The following TMEM26 variants were observed in gnomAD, a reference collection of about 807,000 sequenced individuals.
The protein encoded by TMEM26 is transmembrane protein 26.
In TMEM26, 38 loss-of-function variants were observed where a neutral mutation model predicts 28.8. That is an observed-to-expected ratio of 1.32 (90% CI 1.02 to 1.73). The LOEUF is 1.73. Among genes scored for constraint, TMEM26 ranks in the 40% most tolerant of loss-of-function variants. The pLI is 0.00. For synonymous variants in TMEM26, 227 were observed against 182.9 expected, an observed-to-expected ratio of 1.24 and a Z score of -1.95; for missense variants, 518 against 447.1, an observed-to-expected ratio of 1.16 and a Z score of -1.43.
chr10:61,422,003 C>T (rs1254955929), intron 4 of TMEM26, among the ~76,000 whole-genome samples: 1 of 151,940 alleles, frequency 6.6e-6, no homozygotes, highest in Admixed American at 6.6e-5. Context: ...CATAAGAAAG[C>T]TGGAGTGCCT....
At chr10:61,446,386 T>C (rs1300981013) in intron 1 of TMEM26, among the ~76,000 whole-genome samples, 1 of 152,154 alleles carries the variant, frequency 6.6e-6, no homozygotes, top group African/African-American at 2.4e-5. Flanking sequence ...TACAGGAAGA[T>C]AACAAATACA....
chr10:61,423,134 C>A (rs573485640), intron 4 of TMEM26, among the ~76,000 whole-genome samples: 1 of 151,928 alleles, frequency 6.6e-6, no homozygotes, highest in Admixed American at 6.6e-5. Context: ...AAAATGTAAT[C>A]AAAACTGATT....
chr10:61,422,838 G>A (rs1427031730), intron 4 of TMEM26, among the ~76,000 whole-genome samples: 3 of 152,048 alleles, frequency 2.0e-5, no homozygotes, highest in African/African-American at 7.2e-5. Context: ...AAACCAGTGA[G>A]GTGGAAAACA....
At chr10:61,428,848 T>A (rs1839873364) in intron 4 of TMEM26, 78 bp downstream of exon 4, 2 of 1,254,524 alleles carry the variant, frequency 1.6e-6, no homozygotes, top group Non-Finnish European at 2.3e-6. Flanking sequence ...TCATGTGAAA[T>A]ACAAGTCACA....
At chr10:61,433,218 G>T (rs1589037331) in intron 2 of TMEM26, among the ~76,000 whole-genome samples, 1 of 152,070 alleles carries the variant, frequency 6.6e-6, no homozygotes, top group African/African-American at 2.4e-5. Context: ...TATCTGAGTT[G>T]CTCTCCGCTC....
At chr10:61,414,054 T>C in intron 4 of TMEM26, 1 of 987,008 alleles carries the variant, frequency 1.0e-6, no homozygotes, top group Non-Finnish European at 1.2e-6. Context: ...CAAAGATTTA[T>C]ACCAGATAGT....
At chr10:61,413,562 T>C in intron 4 of TMEM26, 27 bp from the exon 5 acceptor site, 3 of 1,578,834 alleles carry the variant, frequency 1.9e-6, no homozygotes, top group East Asian at 2.3e-5. Flanking sequence ...ATGTTAAATT[T>C]GTAATAAAAA....
chr10:61,422,514 C>T (rs573350742), intron 4 of TMEM26, among the ~76,000 whole-genome samples: 17 of 151,986 alleles, frequency 1.1e-4, no homozygotes, highest in Non-Finnish European at 2.5e-4. Flanking sequence ...CTAAAAGATC[C>T]CTATATATTC....
At chr10:61,432,023 C>T (rs1449186131) in intron 2 of TMEM26, among the ~76,000 whole-genome samples, 2 of 152,002 alleles carry the variant, frequency 1.3e-5, no homozygotes, top group Non-Finnish European at 2.9e-5. Context: ...AGAATACTGG[C>T]CTCCAGCTTC....
chr10:61,429,199 G>T, intron 3 of TMEM26, 53 bp from the exon 4 acceptor site: 3 of 1,467,170 alleles, frequency 2.0e-6, no homozygotes, highest in Non-Finnish European at 2.8e-6. Context: ...ACCTGAGAGA[G>T]AAATATTTTC....
At chr10:61,422,660 G>T (rs764482031) in intron 4 of TMEM26, among the ~76,000 whole-genome samples, 4 of 152,002 alleles carry the variant, frequency 2.6e-5, no homozygotes, top group Non-Finnish European at 5.9e-5. Context: ...AGTGCTTACA[G>T]GAAAATTCAC....
At chr10:61,419,781 G>T (rs770455750) in intron 4 of TMEM26, among the ~76,000 whole-genome samples, 19 of 151,974 alleles carry the variant, frequency 1.3e-4, no homozygotes, top group Non-Finnish European at 1.0e-4. Flanking sequence ...AGAAATAATG[G>T]ATGAAAATTT....
At chr10:61,413,642 C>A (rs1011774893) in intron 4 of TMEM26, 107 bp from the exon 5 acceptor site, 8 of 1,328,964 alleles carry the variant, frequency 6.0e-6, no homozygotes, top group South Asian at 4.6e-5. Flanking sequence ...CTCTTGTGGC[C>A]AAAATATCTT....
At chr10:61,440,363 A>G (rs1026636600) in intron 1 of TMEM26, among the ~76,000 whole-genome samples, 2 of 152,184 alleles carry the variant, frequency 1.3e-5, no homozygotes, top group African/African-American at 4.8e-5. Context: ...ATGTTGAGGC[A>G]ATTACTGTCA....
At chr10:61,414,893 C>T (rs1839625907) in intron 4 of TMEM26, 2 of 753,868 alleles carry the variant, frequency 2.7e-6, no homozygotes, top group Admixed American at 6.3e-5. Context: ...AAAAGTCTCC[C>T]ATAGTGTCCT....
At chr10:61,414,609 C>A (rs1264874650) in intron 4 of TMEM26, 1 of 151,968 alleles carries the variant, frequency 6.6e-6, no homozygotes, top group African/African-American at 2.4e-5. Context: ...AAAATAAAGT[C>A]TCAACTTTCA....
intron 4 of TMEM26, 91 bp from the exon 5 acceptor site, chr10:61,413,626 A>T (rs565431163): frequency 2.9e-6 from 4 of 1,402,392 alleles, no homozygotes; most frequent in Non-Finnish European, 3.7e-6. Context: ...TATATTCCTA[A>T]TAAACCTCTT....
chr10:61,429,985 C>T (rs1589035093), intron 3 of TMEM26, among the ~76,000 whole-genome samples: 2 of 152,034 alleles, frequency 1.3e-5, no homozygotes, highest in South Asian at 4.1e-4. Context: ...ATATCAAATG[C>T]ACAAGGACGG....
At chr10:61,444,425 G>C (rs1840144785) in intron 1 of TMEM26, among the ~76,000 whole-genome samples, 1 of 152,064 alleles carries the variant, frequency 6.6e-6, no homozygotes, top group African/African-American at 2.4e-5. Flanking sequence ...ACTTATTTCT[G>C]TTCTGTAGAG....
Sources: gnomAD v4.1 joint callset for allele counts (sites outside exome capture counted in the v4.1 genomes callset) on GRCh38, gnomAD v4.1.1 for gene constraint, MANE v1.5 for transcripts, NCBI Gene and HGNC (gene_info 2026-07-23, HGNC 2026-07-21) for gene names.